XKR4: variants seen among roughly 807,000 people sequenced by gnomAD.
XKR4 encodes XK-related protein 4.
XKR4 carries 12 observed loss-of-function variants against 53.9 expected under a neutral mutation model. That is an observed-to-expected ratio of 0.22 (90% CI 0.14 to 0.36). The LOEUF is 0.36. XKR4 is among the 10% of genes least tolerant of loss of function. The pLI is 1.00. For missense variants in XKR4, 799 were observed against 859.5 expected (o/e 0.93, Z 0.88); for synonymous variants, 354 against 362.4 (o/e 0.98, Z 0.26).
chr8:55,177,693 G>A (rs1246312140), intron 1 of XKR4, among the ~76,000 whole-genome samples: 1 of 152,208 alleles, frequency 6.6e-6, no homozygotes, highest in Non-Finnish European at 1.5e-5. Context: ...CTAGGGAGAT[G>A]TCATTGTTCT....
intron 2 of XKR4, among the ~76,000 whole-genome samples, chr8:55,519,846 G>C (rs1199521196): frequency 1.3e-5 from 2 of 152,142 alleles, no homozygotes; most frequent in Non-Finnish European, 2.9e-5. Flanking sequence ...ATCGCAAATG[G>C]GTGAGAGAGA....
intron 2 of XKR4, chr8:55,454,623 GC>G: frequency 8.0e-7 from 1 of 1,244,698 alleles, no homozygotes; most frequent in Non-Finnish European, 1.2e-6. Context: ...TCCTCTACTA[GC>G]CCCCAGCCAG....
chr8:55,194,090 A>G (rs1817476420), intron 1 of XKR4, among the ~76,000 whole-genome samples: 1 of 152,174 alleles, frequency 6.6e-6, no homozygotes, highest in African/African-American at 2.4e-5. Flanking sequence ...GGCCTGCTCC[A>G]TCAGTGAGCC....
intron 2 of XKR4, among the ~76,000 whole-genome samples, chr8:55,509,211 G>A (rs1411259434): frequency 1.3e-5 from 2 of 152,140 alleles, no homozygotes; most frequent in Admixed American, 6.5e-5. Flanking sequence ...GCACCTACTA[G>A]AGACAACACC....
At chr8:55,358,222 T>TCC (rs1803850254) in intron 2 of XKR4, among the ~76,000 whole-genome samples, 1 of 152,148 alleles carries the variant, frequency 6.6e-6, no homozygotes, top group African/African-American at 2.4e-5. Context: ...GCAGTAACTC[T>TCC]CTCTCTCTGT....
chr8:55,186,198 T>C (rs1398015840), intron 1 of XKR4, among the ~76,000 whole-genome samples: 1 of 152,164 alleles, frequency 6.6e-6, no homozygotes. Flanking sequence ...AAACTGCTAA[T>C]TTGTATTTTT....
At chr8:55,159,316 G>T (rs1248353876) in intron 1 of XKR4, among the ~76,000 whole-genome samples, 1 of 152,098 alleles carries the variant, frequency 6.6e-6, no homozygotes, top group African/African-American at 2.4e-5. Flanking sequence ...AAGCACTTGG[G>T]ATATGTCGAT....
intron 1 of XKR4, among the ~76,000 whole-genome samples, chr8:55,221,419 T>G (rs1817879115): frequency 6.6e-6 from 1 of 152,086 alleles, no homozygotes; most frequent in Admixed American, 6.5e-5. Flanking sequence ...CAGGCTTCAT[T>G]TGCTCTCCTG....
intron 1 of XKR4, among the ~76,000 whole-genome samples, chr8:55,333,744 C>T (rs1803412919): frequency 6.6e-6 from 1 of 151,974 alleles, no homozygotes; most frequent in African/African-American, 2.4e-5. Context: ...GAAGATGTCC[C>T]CAGACAAGGT....
intron 1 of XKR4, among the ~76,000 whole-genome samples, chr8:55,157,417 C>A (rs530592217): frequency 6.6e-6 from 1 of 151,984 alleles, no homozygotes; most frequent in East Asian, 1.9e-4. Flanking sequence ...TTATTTAGAA[C>A]ATTATTTCAA....
In XKR4 at chr8:55,540,512, G is replaced by A. The variant is rs976693952; in HGVS notation, c.*16285G>A. 3.9e-5 allele frequency: 6 copies of A among 152,180 alleles called. No individual in the cohort carries two copies. The highest frequency in any genetic ancestry group is 6.6e-5 in the Admixed American group (1 of 15,256). 9.4% of individuals were successfully genotyped at this position (152,180 alleles called of 1,614,324 possible). On this transcript the variant is annotated 3_prime_UTR_variant, in exon 3 of 3. Coordinates refer to ENST00000327381, the MANE Select transcript of XKR4 (RefSeq NM_052898.2). ...CAGAAAGAGACCATAGCTATTCTTG[G>A]ATGAGAACCTTGCCTCTACTAAATA...
intron 2 of XKR4, among the ~76,000 whole-genome samples, chr8:55,399,196 G>C (rs772201469): frequency 6.6e-6 from 1 of 152,134 alleles, no homozygotes; most frequent in Non-Finnish European, 1.5e-5. Flanking sequence ...TACAATATTT[G>C]TCCCAACAGG....
At chr8:55,276,550 T>A (rs188672829) in intron 1 of XKR4, among the ~76,000 whole-genome samples, 301 of 152,338 alleles carry the variant, frequency 2.0e-3, no homozygotes, top group Middle Eastern at 0.01. Context: ...ATTCTTCACA[T>A]TAATTTGTAG....
chr8:55,247,739 T>A (rs1818302816), intron 1 of XKR4, among the ~76,000 whole-genome samples: 3 of 152,174 alleles, frequency 2.0e-5, no homozygotes, highest in Admixed American at 6.5e-5. Context: ...ACAATCACAG[T>A]GCTTTATCCT....
chr8:55,521,836 T>C (rs1428502319), intron 2 of XKR4, among the ~76,000 whole-genome samples: 1 of 152,242 alleles, frequency 6.6e-6, no homozygotes, highest in East Asian at 1.9e-4. Flanking sequence ...TATAAAAATA[T>C]TTTTGAATAA....
chr8:55,525,537 T>C lies in XKR4; in HGVS notation c.*1310T>C, dbSNP rs1292054539. On this transcript the variant is annotated 3_prime_UTR_variant, in exon 3 of 3. Coordinates refer to ENST00000327381, the MANE Select transcript of XKR4 (RefSeq NM_052898.2). ...AGCTAAGATTTGTATTTGAATCATC[T>C]GTAAAGTCGCACTCTTACAACAAGC... is the stretch of plus-strand genomic sequence containing the variant. 6.6e-6 allele frequency: 1 copy of C among 152,656 alleles called. No individual in the cohort carries two copies. The highest frequency in any genetic ancestry group is 1.5e-5 in the Non-Finnish European group (1 of 68,048). 9.5% of individuals were successfully genotyped at this position (152,656 alleles called of 1,614,324 possible).
At chr8:55,180,724 G>A (rs908898988) in intron 1 of XKR4, among the ~76,000 whole-genome samples, 1 of 152,028 alleles carries the variant, frequency 6.6e-6, no homozygotes, top group South Asian at 2.1e-4. Context: ...GTAGAGACGG[G>A]GTTTCACCAT....
chr8:55,326,633 G>T (rs946647778), intron 1 of XKR4, among the ~76,000 whole-genome samples: 1 of 151,486 alleles, frequency 6.6e-6, no homozygotes, highest in East Asian at 2.0e-4. Context: ...ACTGTGCCTG[G>T]ATAATTTTTG....
intron 1 of XKR4, among the ~76,000 whole-genome samples, chr8:55,327,235 G>T (rs1304016993): frequency 3.3e-5 from 5 of 152,014 alleles, no homozygotes; most frequent in Non-Finnish European, 5.9e-5. Context: ...AATTTGGTTA[G>T]AAGTGACCTT....
Sources: allele counts gnomAD v4.1 joint callset (sites outside exome capture counted in the v4.1 genomes callset), GRCh38; gene constraint gnomAD v4.1.1; transcripts MANE v1.5; gene names NCBI Gene and HGNC (gene_info 2026-07-23, HGNC 2026-07-21).